BMP2: variants seen among roughly 807,000 people sequenced by gnomAD.
BMP2 encodes bone morphogenetic protein 2A.
BMP2 carries 2 observed loss-of-function variants against 28.8 expected under a neutral mutation model. That is an observed-to-expected ratio of 0.07 (90% CI 0.03 to 0.22). The LOEUF (loss-of-function observed/expected upper bound fraction) is 0.22, where lower values mean the gene tolerates loss of function less well. BMP2 is among the 10% of genes least tolerant of loss of function. The probability of loss-of-function intolerance (pLI) is 1.00; values close to 1 mark genes in which losing one functional copy is unlikely to be tolerated. For synonymous variants in BMP2, 218 were observed against 204.3 expected (o/e 1.07, Z -0.57); for missense variants, 437 against 517.7 (o/e 0.84, Z 1.51).
rs539460039 is a variant in BMP2, at chr20:6,770,405, C to T, written c.279C>T (p.Pro93=). The change falls in exon 2 of 3, where the codon CCC becomes CCT. Residue 93 remains proline, a synonymous_variant. Transcript: ENST00000378827. The stretch of plus-strand genomic sequence containing the variant: ...GGCACTCAGGTCAGCCGGGCTCACC[C>T]GCCCCAGACCACCGGTTGGAGAGGG... The part of the protein sequence containing the change: ...YRRHSGQPGS[P]APDHRLERAA... 62 of 1,611,950 alleles carry T rather than the reference C, an allele frequency of 3.8e-5. No homozygotes were observed. The South Asian group carries it at 6.4e-4, about 17-fold the overall frequency.
Position 6,778,703 on chromosome 20 carries a change from C to T in BMP2, c.805C>T (p.His269Tyr), listed in dbSNP as rs755398280. The T allele has an allele frequency of 3.2e-5, 52 of 1,614,120 alleles. No individual in the cohort carries two copies. Among genetic ancestry groups the T allele is most frequent in the Non-Finnish European group, 4.1e-5 (48 of 1,180,014 alleles). ...AAGGCCATTGCTAGTAACTTTTGGCCATGATGGAAAAGGGCATCCTCTCCA... is the reference window on the plus strand; with the variant it reads ...AAGGCCATTGCTAGTAACTTTTGGCTATGATGGAAAAGGGCATCCTCTCCA... ...QIRPLLVTFG[H>Y]DGKGHPLHKR... is the part of the protein sequence containing the mutation. Residue 269 changes from histidine (H) to tyrosine (Y), a missense_variant, in exon 3 of 3, where the codon CAT (histidine) becomes TAT (tyrosine). By Grantham distance (83) the His-to-Tyr change is moderately conservative. Around this residue, in one of 2 missense-constraint regions of BMP2, gnomAD observed 363 missense variants for 392.8 expected, o/e 0.92. Transcript: ENST00000378827. This position sits in a 1 kb window ranked among gnomAD's most constrained non-coding sequence, Gnocchi z 5.0.
intron 2 of BMP2, among the ~76,000 whole-genome samples, chr20:6,774,778 C>A (rs1986466676): frequency 6.6e-6 from 1 of 152,114 alleles, no homozygotes. Flanking sequence ...CTGTCATTAT[C>A]ATTATGACTT....
In BMP2 at chr20:6,767,875, C is replaced by T; in HGVS notation, c.-1008C>T. 2 of 360,030 alleles carry T rather than the reference C, an allele frequency of 5.6e-6. No homozygotes were observed. Among genetic ancestry groups the T allele is most frequent in the Non-Finnish European group, 9.9e-6 (2 of 201,736 alleles). 22.3% of individuals were successfully genotyped at this position (360,030 alleles called of 1,614,324 possible). On this transcript the variant is annotated 5_prime_UTR_variant, in exon 1 of 3. Transcript: ENST00000378827. ...GCGCCGAGTGGATCACCGGGGACCGCGAGGCACCCGCGCGCCGCAGACCCC... is the reference window on the plus strand; with the variant it reads ...GCGCCGAGTGGATCACCGGGGACCGTGAGGCACCCGCGCGCCGCAGACCCC...
chr20:6,778,552 A>G lies in BMP2; in HGVS notation c.654A>G (p.Ala218=), dbSNP rs147301573. The G allele has an allele frequency of 2.8e-5, 45 of 1,614,078 alleles. No homozygotes were observed. The highest frequency in any genetic ancestry group is 4.0e-5 in the African/African-American group (3 of 74,928). ...CCCCCGCTGTGATGCGGTGGACTGC[A>G]CAGGGACACGCCAACCATGGATTCG... The part of the protein sequence containing the change: ...DVTPAVMRWT[A]QGHANHGFVV... Residue 218 remains alanine (A), a synonymous_variant, in exon 3 of 3, where the codon GCA becomes GCG. Transcript: ENST00000378827. This position sits in a 1 kb window ranked among gnomAD's most constrained non-coding sequence, Gnocchi z 5.0.
In BMP2 at chr20:6,779,003, A is replaced by G. The variant is rs1445570003; in HGVS notation, c.1105A>G (p.Ile369Val). ...ACCVPTELSA[I>V]SMLYLDENEK... ...CTGTGTCCCGACAGAACTCAGTGCT[A>G]TCTCGATGCTGTACCTTGACGAGAA... Residue 369 changes from isoleucine to valine, a missense_variant, in exon 3 of 3, where the codon ATC (isoleucine) becomes GTC (valine). Ile to Val is a conservative substitution (Grantham distance 29). Transcript: ENST00000378827. The G allele has an allele frequency of 2.5e-6, 4 of 1,613,890 alleles. No individual in the cohort carries two copies. The highest frequency in any genetic ancestry group is 2.2e-5 in the South Asian group (2 of 91,076).
Position 6,778,855 on chromosome 20 carries a change from G to T in BMP2, c.957G>T (p.Gly319=), listed in dbSNP as rs1285043017. 5 of 1,614,124 alleles carry T rather than the reference G, an allele frequency of 3.1e-6. No homozygotes were observed. In the South Asian group the frequency reaches 3.3e-5, roughly 11 times the overall value. The change falls in exon 3 of 3, where the codon GGG becomes GGT. Residue 319 remains glycine (G), a synonymous_variant. Transcript: ENST00000378827. The surrounding 1 kb of genome is among the most constrained non-coding windows in gnomAD (Gnocchi z 5.0). ...GWNDWIVAPP[G]YHAFYCHGEC... is the part of the protein sequence containing the mutation. ...ATGACTGGATTGTGGCTCCCCCGGG[G>T]TATCACGCCTTTTACTGCCACGGAG...
intron 1 of BMP2, among the ~76,000 whole-genome samples, chr20:6,769,720 C>G (rs961846662): frequency 9.2e-5 from 14 of 151,760 alleles, no homozygotes; most frequent in African/African-American, 3.4e-4. Flanking sequence ...CCAGACAGCG[C>G]TCAGCACTCC....
chr20:6,769,636 T>TGTGC (rs1465486821), intron 1 of BMP2, among the ~76,000 whole-genome samples: 1 of 151,428 alleles, frequency 6.6e-6, no homozygotes, highest in Non-Finnish European at 1.5e-5. Context: ...TGTGTGTGTG[T>TGTGC]GTGTGTGTGT....
At chr20:6,776,401 C>A (rs1355536599) in intron 2 of BMP2, among the ~76,000 whole-genome samples, 1 of 152,184 alleles carries the variant, frequency 6.6e-6, no homozygotes, top group Non-Finnish European at 1.5e-5. Flanking sequence ...CCACCCAGAG[C>A]TGGCCCATTC....
intron 2 of BMP2, among the ~76,000 whole-genome samples, chr20:6,777,514 A>C (rs934707431): frequency 6.6e-6 from 1 of 152,164 alleles, no homozygotes; most frequent in Non-Finnish European, 1.5e-5. Context: ...ATTTGAGGTC[A>C]TAAAGAGGTG....
rs1004496234 is a variant in BMP2 at position 6,768,423 on chromosome 20, G to T, written c.-460G>T. On this transcript the variant is annotated 5_prime_UTR_variant, in exon 1 of 3. Transcript: ENST00000378827. ...CCCTCGACCCCCGAGTCCCGGAGCC[G>T]GCCCCGCGCGGGGCCACGCGTCCCT... The T allele has an allele frequency of 1.2e-4, 48 of 393,374 alleles. No individual in the cohort carries two copies. Among genetic ancestry groups the T allele is most frequent in the Admixed American group, 3.5e-4 (8 of 22,540 alleles). The allele number at this position is 393,374 out of a possible 1,614,324, so 24.4% of individuals were successfully genotyped here.
Position 6,768,000 on chromosome 20 carries a change from T to C in BMP2, c.-883T>C, listed in dbSNP as rs148136029. On this transcript the variant is annotated 5_prime_UTR_variant, in exon 1 of 3. Transcript: ENST00000378827. ...GACGGGCGCGCAGAGCGCCGGGGAC[T>C]CCGGAGCCGATCCCTAGCGCCGCGA... 2 of 397,078 alleles carry C rather than the reference T, an allele frequency of 5.0e-6. No homozygotes were observed. The highest frequency in any genetic ancestry group is 4.1e-5 in the African/African-American group (2 of 48,364). 24.6% of individuals were successfully genotyped at this position (397,078 alleles called of 1,614,324 possible). A position where few individuals can be genotyped will look rare whatever the true frequency, so the allele number is the denominator to read the frequency against.
intron 1 of BMP2, among the ~76,000 whole-genome samples, chr20:6,769,903 G>A (rs1402100214): frequency 1.3e-5 from 2 of 152,106 alleles, no homozygotes; most frequent in Non-Finnish European, 2.9e-5. Flanking sequence ...GCTAAGCGTT[G>A]GATGGGAGCG....
At chr20:6,773,791 A>G (rs947201685) in intron 2 of BMP2, among the ~76,000 whole-genome samples, 8 of 152,086 alleles carry the variant, frequency 5.3e-5, no homozygotes, top group Non-Finnish European at 7.4e-5. Flanking sequence ...ATCTTATATT[A>G]TACTCAGCCT....
In BMP2 at chr20:6,778,034, A is replaced by C. The variant is rs1364243323; in HGVS notation, c.347-211A>C. 2.6e-5 allele frequency among the ~76,000 whole-genome samples: 4 copies of C among 152,204 alleles called. No homozygotes were observed. The highest frequency in any genetic ancestry group is 4.4e-5 in the Non-Finnish European group (3 of 68,026). On this transcript the variant is annotated intron_variant, in intron 2 of 2. Transcript: ENST00000378827. The surrounding 1 kb of genome is among the most constrained non-coding windows in gnomAD (Gnocchi z 5.0). ...AAGGTTGTTTCCTGGTATGCAATGC[A>C]TGATGACATGAACTTACAGAACAGA...
chr20:6,773,863 T>TTTG (rs1026213156), intron 2 of BMP2, among the ~76,000 whole-genome samples: 30 of 152,178 alleles, frequency 2.0e-4, no homozygotes, highest in African/African-American at 6.5e-4. Flanking sequence ...ATCCCCAGGT[T>TTTG]TTGTTGTTGT....
At chr20:6,769,082 C>T (rs867037244) in intron 1 of BMP2, among the ~76,000 whole-genome samples, 3 of 152,214 alleles carry the variant, frequency 2.0e-5, no homozygotes, top group Non-Finnish European at 2.9e-5. Context: ...CTCTTCCACC[C>T]CTCTTTCTTC....
At chr20:6,772,027 A>G (rs1231397627) in intron 2 of BMP2, among the ~76,000 whole-genome samples, 1 of 152,172 alleles carries the variant, frequency 6.6e-6, no homozygotes, top group African/African-American at 2.4e-5. Context: ...TTAGCATGGA[A>G]GCTCTCAACT....
chr20:6,769,809 G>T (rs557974165), intron 1 of BMP2, among the ~76,000 whole-genome samples: 2 of 152,244 alleles, frequency 1.3e-5, no homozygotes, highest in Admixed American at 6.5e-5. Flanking sequence ...GGCTGTCAGC[G>T]CTGTGTCACA....
Sources: allele counts gnomAD v4.1 joint callset (sites outside exome capture counted in the v4.1 genomes callset), GRCh38; gene constraint gnomAD v4.1.1; regional missense constraint gnomAD v4.1.1; non-coding constraint Gnocchi (gnomAD v3.1); transcripts MANE v1.5; gene names NCBI Gene and HGNC (gene_info 2026-07-23, HGNC 2026-07-21).